Variants in CHCHD6 observed in about 807,000 individuals in gnomAD.
CHCHD6 encodes coiled-coil-helix-coiled-coil-helix domain containing 6, also known as MICOS complex subunit MIC25.
Under a neutral mutation model 32.3 loss-of-function variants are expected in CHCHD6, and 28 were observed. The observed-to-expected ratio is 0.87, with a 90% CI of 0.64 to 1.19. The LOEUF is 1.19. CHCHD6 is among the 50% of genes most tolerant of loss of function. The pLI, the probability that CHCHD6 is intolerant of heterozygous loss-of-function variation, is 0.00. For synonymous variants in CHCHD6, 122 were observed against 117.5 expected, an observed-to-expected ratio of 1.04 and a Z score of -0.25; for missense variants, 333 against 307.0, an observed-to-expected ratio of 1.08 and a Z score of -0.63.
chr3:126,938,064 A>G (rs890919090), intron 6 of CHCHD6, among the ~76,000 whole-genome samples: 1 of 152,220 alleles, frequency 6.6e-6, no homozygotes, highest in Non-Finnish European at 1.5e-5. Context: ...TTACAACCCC[A>G]GGAATCCTGA....
At chr3:126,952,368 C>T (rs958181802) in intron 6 of CHCHD6, among the ~76,000 whole-genome samples, 2 of 152,196 alleles carry the variant, frequency 1.3e-5, no homozygotes, top group Admixed American at 1.3e-4. Flanking sequence ...CACATCTGGT[C>T]CATGTGGGCC....
intron 1 of CHCHD6, among the ~76,000 whole-genome samples, chr3:126,716,405 T>A (rs1467731610): frequency 2.0e-5 from 3 of 152,022 alleles, no homozygotes; most frequent in Non-Finnish European, 4.4e-5. Flanking sequence ...GAACTCGGAG[T>A]TCCATTGTTG....
At chr3:126,873,021 G>T (rs1435252947) in intron 5 of CHCHD6, among the ~76,000 whole-genome samples, 4 of 152,142 alleles carry the variant, frequency 2.6e-5, no homozygotes, top group Admixed American at 1.3e-4. Flanking sequence ...TACAGTCCTG[G>T]GACAGCTGCT....
Position 126,920,604 on chromosome 3 carries a change from GT to G in CHCHD6, c.566+5858del, listed in dbSNP as rs570623424. ...TGAGTAGCTCAAGAATTTGACAAATGTTTTAAAAGAAGAAAACCACTGAGTA... is the reference window on the plus strand; with the variant it reads ...TGAGTAGCTCAAGAATTTGACAAATGTTTAAAAGAAGAAAACCACTGAGTA... On this transcript the variant is annotated intron_variant, in intron 6 of 7. Coordinates refer to ENST00000290913, the MANE Select transcript of CHCHD6 (RefSeq NM_032343.3). Among the ~76,000 whole-genome samples the G allele has an allele frequency of 2.0e-5, 3 of 152,308 alleles. No homozygotes were observed. In the South Asian group the frequency reaches 6.2e-4, roughly 32 times the overall value.
rs369248384 is a variant in CHCHD6, at chr3:126,959,505, C to T, written c.703-691C>T. On this transcript the variant is annotated intron_variant, in intron 7 of 7. Coordinates refer to ENST00000290913, the MANE Select transcript of CHCHD6 (RefSeq NM_032343.3). ...GAAGGCTGCTGGCAGAACCAGAGAG[C>T]GGGGAGTGAAGGGTCCCTAAGAGGG... 3.2e-4 allele frequency among the ~76,000 whole-genome samples: 49 copies of T among 152,344 alleles called. No homozygotes were observed. The South Asian group carries it at 3.5e-3, about 11-fold the overall frequency.
chr3:126,785,473 G>A (rs1318456026), intron 4 of CHCHD6, among the ~76,000 whole-genome samples: 1 of 152,208 alleles, frequency 6.6e-6, no homozygotes, highest in Admixed American at 6.5e-5. Context: ...ATAGTCAAGG[G>A]AGAGCATAAC....
intron 4 of CHCHD6, among the ~76,000 whole-genome samples, chr3:126,761,093 G>A (rs757257745): frequency 1.3e-5 from 2 of 152,224 alleles, no homozygotes; most frequent in Non-Finnish European, 2.9e-5. Context: ...GCCTCCCAAA[G>A]CGTTAGGATT....
At chr3:126,784,262 C>G (rs1378642539) in intron 4 of CHCHD6, among the ~76,000 whole-genome samples, 1 of 152,148 alleles carries the variant, frequency 6.6e-6, no homozygotes, top group Non-Finnish European at 1.5e-5. Flanking sequence ...TTTCTCTGAC[C>G]ACAGTTCCAC....
At chr3:126,806,044 A>G (rs1247624500) in intron 4 of CHCHD6, among the ~76,000 whole-genome samples, 2 of 152,246 alleles carry the variant, frequency 1.3e-5, no homozygotes, top group East Asian at 1.9e-4. Context: ...TTATACAAAA[A>G]TTAATTCAAG....
intron 5 of CHCHD6, among the ~76,000 whole-genome samples, chr3:126,904,414 G>A (rs1350390879): frequency 3.9e-5 from 6 of 152,244 alleles, no homozygotes; most frequent in Non-Finnish European, 5.9e-5. Flanking sequence ...TTTCTGGGAT[G>A]ATGCTCAGCA....
intron 4 of CHCHD6, among the ~76,000 whole-genome samples, chr3:126,744,547 A>T (rs1022410186): frequency 6.6e-6 from 1 of 152,034 alleles, no homozygotes; most frequent in Non-Finnish European, 1.5e-5. Flanking sequence ...AGCTAGGAGG[A>T]GCTTTCGCTG....
intron 6 of CHCHD6, among the ~76,000 whole-genome samples, chr3:126,956,537 G>A (rs757454596): frequency 6.7e-5 from 10 of 150,190 alleles, no homozygotes; most frequent in South Asian, 4.3e-4. Context: ...CCCAGCAGCC[G>A]GAGGACAGCA....
In CHCHD6 at chr3:126,704,369, G is replaced by A. The variant is rs1477844169; in HGVS notation, c.57G>A (p.Glu19=). 7 of 1,583,548 alleles carry A rather than the reference G, an allele frequency of 4.4e-6. No individual in the cohort carries two copies. The African/African-American group carries it at 6.7e-5, about 15-fold the overall frequency. ...GGGTGTCCTTCGGAGTGGACGAGGAGGAGCGGGTCCGGGTGCTGCAGGGTG... is the reference window on the plus strand; with the variant it reads ...GGGTGTCCTTCGGAGTGGACGAGGAAGAGCGGGTCCGGGTGCTGCAGGGTG... ...GRRVSFGVDE[E]ERVRVLQGVR... Residue 19 remains glutamate, a synonymous_variant, in exon 1 of 8, where the codon GAG becomes GAA. Coordinates refer to ENST00000290913, the MANE Select transcript of CHCHD6 (RefSeq NM_032343.3).
At chr3:126,727,360 G>A (rs1159611544) in intron 2 of CHCHD6, among the ~76,000 whole-genome samples, 174 bp downstream of exon 2, 1 of 152,214 alleles carries the variant, frequency 6.6e-6, no homozygotes, top group African/African-American at 2.4e-5. Context: ...GAGTGATGGG[G>A]CTGTCATCAG....
At chr3:126,737,754 A>C (rs570573567) in intron 4 of CHCHD6, among the ~76,000 whole-genome samples, 1 of 151,892 alleles carries the variant, frequency 6.6e-6, no homozygotes, top group African/African-American at 2.4e-5. Flanking sequence ...GATAGGGGGC[A>C]CTCTTGAGCA....
intron 1 of CHCHD6, among the ~76,000 whole-genome samples, chr3:126,709,017 T>C (rs1258231389): frequency 6.6e-6 from 1 of 152,248 alleles, no homozygotes. Flanking sequence ...TATTTGCATA[T>C]ATACTACACA....
intron 4 of CHCHD6, among the ~76,000 whole-genome samples, chr3:126,789,760 G>C (rs573345419): frequency 4.5e-4 from 68 of 152,102 alleles, no homozygotes; most frequent in African/African-American, 1.6e-3. Context: ...CACACCGATG[G>C]GTCTTGACTC....
At chr3:126,957,796 A>C in intron 7 of CHCHD6, 1 of 582,980 alleles carries the variant, frequency 1.7e-6, no homozygotes, top group African/African-American at 1.9e-5. Flanking sequence ...CGTTTGCCCT[A>C]TTAGGCTGGG....
chr3:126,842,345 A>G (rs1040419222), intron 4 of CHCHD6, among the ~76,000 whole-genome samples: 2 of 152,342 alleles, frequency 1.3e-5, no homozygotes, highest in African/African-American at 2.4e-5. Context: ...TCTGCCTTTT[A>G]TCAAAATACT....
Sources: allele counts gnomAD v4.1 joint callset (sites outside exome capture counted in the v4.1 genomes callset), GRCh38; gene constraint gnomAD v4.1.1; transcripts MANE v1.5; gene names NCBI Gene and HGNC (gene_info 2026-07-23, HGNC 2026-07-21).